TRAPPC12: variants seen among roughly 807,000 people sequenced by gnomAD.
The protein encoded by TRAPPC12 is TPR repeat protein 15.
A neutral mutation model predicts 69.2 loss-of-function variants in TRAPPC12; 61 were observed. The ratio of observed to expected loss-of-function variants is 0.88; its 90% CI spans 0.72 to 1.09. TRAPPC12 has a LOEUF of 1.09. TRAPPC12 is among the 50% of genes least tolerant of loss of function. The pLI is 0.00. For synonymous variants in TRAPPC12, 469 were observed against 438.9 expected, an observed-to-expected ratio of 1.07 and a Z score of -0.86; for missense variants, 1,101 against 1,016.4, an observed-to-expected ratio of 1.08 and a Z score of -1.13.
At chr2:3,417,268 T>C (rs1662468546) in intron 3 of TRAPPC12, among the ~76,000 whole-genome samples, 2 of 151,962 alleles carry the variant, frequency 1.3e-5, no homozygotes, top group African/African-American at 4.8e-5. Context: ...TCCACGTTAG[T>C]GTTTTATTGG....
intron 5 of TRAPPC12, among the ~76,000 whole-genome samples, chr2:3,428,390 A>T (rs547542592): frequency 1.3e-5 from 2 of 152,274 alleles, no homozygotes; most frequent in East Asian, 3.9e-4. Flanking sequence ...TAAGATTTTG[A>T]TTCATTCACT....
intron 2 of TRAPPC12, among the ~76,000 whole-genome samples, chr2:3,393,153 A>G (rs1054116181): frequency 2.0e-5 from 3 of 152,202 alleles, no homozygotes; most frequent in Admixed American, 6.5e-5. Flanking sequence ...AATATACACA[A>G]TGGAATTCTA....
chr2:3,424,690 A>T (rs1662997064), intron 5 of TRAPPC12, 27 bp downstream of exon 5: 2 of 1,551,270 alleles, frequency 1.3e-6, no homozygotes, highest in African/African-American at 2.8e-5. Flanking sequence ...TAATATTTGT[A>T]CATTTGTCTG....
intron 6 of TRAPPC12, among the ~76,000 whole-genome samples, chr2:3,452,958 C>G (rs1445596290): frequency 6.6e-6 from 1 of 152,142 alleles, no homozygotes; most frequent in East Asian, 1.9e-4. Flanking sequence ...ATTTGTAAAA[C>G]AGGCATGTGA....
At position 3,479,441 on chromosome 2, in the gene TRAPPC12, C is replaced by T. The variant is rs1265312341; in HGVS notation, c.2188C>T (p.Gln730Ter). Residue 730 changes from glutamine to a stop codon, truncating the protein, a stop_gained, in exon 12 of 12, where the codon CAG (glutamine) becomes TAG (stop). Coordinates refer to ENST00000324266, the MANE Select transcript of TRAPPC12 (RefSeq NM_016030.6). LOFTEE classifies it high-confidence loss of function. Reference protein sequence around the residue: ...AGKEGDSFNTQCLKLA With the variant: ...AGKEGDSFNT ...CAAGGAGGGGGACAGCTTCAACACACAGTGCCTCAAGCTGGCCTAGCTGCC... is the reference window on the plus strand; with the variant it reads ...CAAGGAGGGGGACAGCTTCAACACATAGTGCCTCAAGCTGGCCTAGCTGCC... 6.2e-7 allele frequency: 1 copy of T among 1,613,968 alleles called. No homozygotes were observed. Among genetic ancestry groups the T allele is most frequent in the South Asian group, 1.1e-5 (1 of 91,084 alleles).
chr2:3,389,202 T>A (rs1012052592), intron 2 of TRAPPC12, among the ~76,000 whole-genome samples: 3 of 152,244 alleles, frequency 2.0e-5, no homozygotes, highest in Non-Finnish European at 4.4e-5. Flanking sequence ...CGGTGCCGCT[T>A]TGCCAGCTGG....
Position 3,387,954 on chromosome 2 carries a change from A to G in TRAPPC12, c.331A>G (p.Ser111Gly). The change falls in exon 2 of 12, where the codon AGC (serine) becomes GGC (glycine). Residue 111 changes from serine (S) to glycine (G), a missense_variant. Physicochemically the swap from Ser to Gly is moderately conservative, Grantham distance 56. Coordinates refer to ENST00000324266, the MANE Select transcript of TRAPPC12 (RefSeq NM_016030.6). ...GPEPAGTPSP[S>G]GEADGDCAPE... is the part of the protein sequence containing the mutation. The stretch of plus-strand genomic sequence containing the variant: ...GGAGCCCGCGGGCACCCCGAGTCCC[A>G]GCGGCGAGGCCGACGGCGACTGTGC... The G allele has an allele frequency of 6.7e-7, 1 of 1,488,918 alleles. No homozygotes were observed. The highest frequency in any genetic ancestry group is 8.9e-7 in the Non-Finnish European group (1 of 1,123,536). The allele number at this position is 1,488,918 out of a possible 1,614,324, so 92.2% of individuals were successfully genotyped here. A position where few individuals can be genotyped will look rare whatever the true frequency, so the allele number is the denominator to read the frequency against.
intron 4 of TRAPPC12, among the ~76,000 whole-genome samples, chr2:3,422,556 C>T (rs574612102): frequency 1.3e-5 from 2 of 152,320 alleles, no homozygotes; most frequent in East Asian, 3.9e-4. Context: ...AACTGTTCTT[C>T]TAGCTTACAT....
intron 2 of TRAPPC12, chr2:3,389,554 G>A (rs997549545): frequency 4.8e-6 from 2 of 420,168 alleles, no homozygotes; most frequent in African/African-American, 4.1e-5. Context: ...ATGTTACAGC[G>A]TGCACACAGC....
intron 2 of TRAPPC12, 112 bp downstream of exon 2, chr2:3,388,782 C>G (rs1396908192): frequency 2.8e-5 from 31 of 1,110,216 alleles, no homozygotes; most frequent in Middle Eastern, 4.1e-4. Flanking sequence ...TCAGTAATTC[C>G]TAACATCCCA....
chr2:3,383,871 GTTTTTTTTT>G (rs34956958), intron 1 of TRAPPC12, among the ~76,000 whole-genome samples: 9 of 85,592 alleles, frequency 1.1e-4, no homozygotes, highest in African/African-American at 3.7e-4. Flanking sequence ...GTTCAGTCTT[GTTTTTTTTT>G]TTTTTTTTTT....
intron 9 of TRAPPC12, among the ~76,000 whole-genome samples, chr2:3,471,136 C>G (rs1325348249): frequency 6.6e-6 from 1 of 152,190 alleles, no homozygotes; most frequent in African/African-American, 2.4e-5. Context: ...TTGTGTTAGG[C>G]CTCCGAGGAG....
chr2:3,383,335 A>G (rs980982576), intron 1 of TRAPPC12, among the ~76,000 whole-genome samples: 2 of 152,022 alleles, frequency 1.3e-5, no homozygotes, highest in South Asian at 2.1e-4. Flanking sequence ...CTCTGAAAAT[A>G]TATTCTCTTA....
intron 9 of TRAPPC12, among the ~76,000 whole-genome samples, chr2:3,466,997 A>G (rs1572204784): frequency 6.6e-6 from 1 of 152,322 alleles, no homozygotes; most frequent in Non-Finnish European, 1.5e-5. Flanking sequence ...TTTCAGAGTC[A>G]TATTTTGCAC....
chr2:3,434,945 G>T (rs115721836), intron 5 of TRAPPC12, among the ~76,000 whole-genome samples: 2 of 152,178 alleles, frequency 1.3e-5, no homozygotes, highest in African/African-American at 4.8e-5. Context: ...GGGACTGGCC[G>T]GTGCAGCAGG....
In TRAPPC12 at chr2:3,467,460, G is replaced by A. The variant is rs180749951; in HGVS notation, c.1776+1765G>A. On this transcript the variant is annotated intron_variant, in intron 9 of 11. Coordinates refer to ENST00000324266, the MANE Select transcript of TRAPPC12 (RefSeq NM_016030.6). ...GGAGATTGCAATACCTAGCTATTTG[G>A]GATATCTCTGAAGACGTTGTGACGT... The A allele has an allele frequency of 1.3e-4, 20 of 152,314 alleles. 1 individual carries two copies. The East Asian group carries it at 3.5e-3, about 26-fold the overall frequency. The allele number at this position is 152,314 out of a possible 1,614,324, so 9.4% of individuals were successfully genotyped here.
At chr2:3,453,328 C>T (rs1421040103) in intron 6 of TRAPPC12, among the ~76,000 whole-genome samples, 12 of 152,228 alleles carry the variant, frequency 7.9e-5, no homozygotes, top group Admixed American at 3.9e-4. Flanking sequence ...TTCAACCCGT[C>T]GGGAACAGCT....
chr2:3,405,136 G>A (rs1197810187), intron 3 of TRAPPC12, among the ~76,000 whole-genome samples: 1 of 147,772 alleles, frequency 6.8e-6, no homozygotes, highest in Non-Finnish European at 1.5e-5. Flanking sequence ...ATTTCAGCAG[G>A]GTCTACTTTA....
At chr2:3,405,773 A>G (rs1323023891) in intron 3 of TRAPPC12, among the ~76,000 whole-genome samples, 3 of 152,200 alleles carry the variant, frequency 2.0e-5, no homozygotes, top group African/African-American at 7.2e-5. Context: ...CTCATACACT[A>G]TTTTTAAAAG....
Sources: gnomAD v4.1 joint callset for allele counts (sites outside exome capture counted in the v4.1 genomes callset) on GRCh38, gnomAD v4.1.1 for gene constraint, MANE v1.5 for transcripts, NCBI Gene and HGNC (gene_info 2026-07-23, HGNC 2026-07-21) for gene names.